CSGALNACT1: variants seen among roughly 807,000 people sequenced by gnomAD.
CSGALNACT1 encodes beta4GalNAcT-1.
Under a neutral mutation model 51.0 loss-of-function variants are expected in CSGALNACT1, and 52 were observed. The ratio of observed to expected loss-of-function variants is 1.02; its 90% CI spans 0.82 to 1.29. CSGALNACT1 has a LOEUF of 1.29. CSGALNACT1 is among the 50% of genes most tolerant of loss of function. The pLI is 0.00. For synonymous variants in CSGALNACT1, 341 were observed against 254.4 expected (o/e 1.34, Z -3.24); for missense variants, 935 against 679.2 (o/e 1.38, Z -4.19).
At chr8:19,652,865 C>T (rs931818730) in intron 1 of CSGALNACT1, among the ~76,000 whole-genome samples, 6 of 152,158 alleles carry the variant, frequency 3.9e-5, no homozygotes, top group Non-Finnish European at 5.9e-5. Context: ...CTCTCATCCT[C>T]GGTTTACCAG....
intron 3 of CSGALNACT1, among the ~76,000 whole-genome samples, chr8:19,552,664 C>T (rs116824281): frequency 0.011 from 1,713 of 152,256 alleles, 32 homozygotes; most frequent in African/African-American, 0.039. Flanking sequence ...GTGGATGGCA[C>T]TTCAATACTG....
At chr8:19,716,512 T>A (rs2062815205) in intron 1 of CSGALNACT1, among the ~76,000 whole-genome samples, 1 of 147,572 alleles carries the variant, frequency 6.8e-6, no homozygotes, top group Admixed American at 7.0e-5. Context: ...GCACAGTGGC[T>A]CATGCCTGTA....
At chr8:19,468,992 C>T (rs947412275) in intron 4 of CSGALNACT1, among the ~76,000 whole-genome samples, 3 of 152,122 alleles carry the variant, frequency 2.0e-5, no homozygotes, top group Non-Finnish European at 4.4e-5. Flanking sequence ...GACAGAAGCA[C>T]TCAGAGGGGC....
At chr8:19,408,174 G>A (rs2054729419) in intron 9 of CSGALNACT1, among the ~76,000 whole-genome samples, 1 of 152,112 alleles carries the variant, frequency 6.6e-6, no homozygotes, top group African/African-American at 2.4e-5. Flanking sequence ...CTGCCTGGAT[G>A]CAATAAGCAG....
intron 6 of CSGALNACT1, among the ~76,000 whole-genome samples, chr8:19,428,525 C>G (rs1419572471): frequency 6.6e-6 from 1 of 152,136 alleles, no homozygotes; most frequent in Admixed American, 6.5e-5. Flanking sequence ...CCTCCCACAA[C>G]ACGTGGGAAT....
At chr8:19,644,179 GCA>G (rs1326073029) in intron 1 of CSGALNACT1, among the ~76,000 whole-genome samples, 4 of 152,002 alleles carry the variant, frequency 2.6e-5, no homozygotes, top group African/African-American at 4.8e-5. Context: ...CAATATGTGT[GCA>G]CACAGTGCAC....
chr8:19,574,744 C>T (rs1028471698), intron 3 of CSGALNACT1, among the ~76,000 whole-genome samples: 1 of 152,006 alleles, frequency 6.6e-6, no homozygotes, highest in Non-Finnish European at 1.5e-5. Flanking sequence ...TTAAAATCCT[C>T]TCTCCGGCCA....
At chr8:19,418,635 A>T in intron 8 of CSGALNACT1, 21 bp downstream of exon 7, 1 of 1,519,258 alleles carries the variant, frequency 6.6e-7, no homozygotes, top group Non-Finnish European at 9.1e-7. Flanking sequence ...ACACAGAGCC[A>T]TCTGCAGGGT....
At chr8:19,481,649 T>C (rs1200264749) in intron 4 of CSGALNACT1, among the ~76,000 whole-genome samples, 1 of 152,150 alleles carries the variant, frequency 6.6e-6, no homozygotes, top group African/African-American at 2.4e-5. Context: ...CAAAATTTTA[T>C]AATCAAAATG....
At chr8:19,589,466 C>A (rs369553055) in intron 3 of CSGALNACT1, among the ~76,000 whole-genome samples, 18 of 152,204 alleles carry the variant, frequency 1.2e-4, no homozygotes, top group Middle Eastern at 3.4e-3. Context: ...GCTGGTACTA[C>A]GGGAGTGCAC....
Position 19,513,436 on chromosome 8 carries a change from C to CTCTCTATA in CSGALNACT1, c.-296-7307_-296-7306insTATAGAGA. On this transcript the variant is annotated intron_variant, in intron 3 of 9. Coordinates refer to ENST00000454498, the Ensembl canonical transcript of CSGALNACT1. ...TCTCACTCTCTCTCTCTCTCTCTCT[C>CTCTCTATA]TATATATATATATATATATATATAT... Among the ~76,000 whole-genome samples the CTCTCTATA allele has an allele frequency of 2.3e-3, 188 of 81,952 alleles. 1 individual carries two copies. Among genetic ancestry groups the CTCTCTATA allele is most frequent in the East Asian group, 0.013 (16 of 1,266 alleles). 53.8% of individuals were successfully genotyped at this position (81,952 alleles called of 152,430 possible). A position where few individuals can be genotyped will look rare whatever the true frequency, so the allele number is the denominator to read the frequency against.
At chr8:19,440,731 G>A (rs1427932035) in intron 5 of CSGALNACT1, among the ~76,000 whole-genome samples, 3 of 151,788 alleles carry the variant, frequency 2.0e-5, no homozygotes, top group Non-Finnish European at 2.9e-5. Flanking sequence ...AATTAGGCAG[G>A]AGAAGGAAAT....
intron 3 of CSGALNACT1, among the ~76,000 whole-genome samples, chr8:19,562,734 C>G (rs1305203273): frequency 6.6e-6 from 1 of 152,094 alleles, no homozygotes; most frequent in Non-Finnish European, 1.5e-5. Context: ...AATGAGATAC[C>G]ACCTCATGCC....
intron 1 of CSGALNACT1, among the ~76,000 whole-genome samples, chr8:19,646,996 T>C (rs755744464): frequency 2.6e-5 from 4 of 151,958 alleles, no homozygotes; most frequent in Non-Finnish European, 5.9e-5. Context: ...TAAAACATGG[T>C]GAAAGCTACA....
At chr8:19,592,952 T>G (rs534385158) in intron 2 of CSGALNACT1, among the ~76,000 whole-genome samples, 1 of 152,344 alleles carries the variant, frequency 6.6e-6, no homozygotes, top group East Asian at 1.9e-4. Context: ...TAACAGGGTA[T>G]TAAATGCTTT....
chr8:19,517,948 G>T (rs2079885485), intron 3 of CSGALNACT1, among the ~76,000 whole-genome samples: 1 of 152,174 alleles, frequency 6.6e-6, no homozygotes, highest in Non-Finnish European at 1.5e-5. Context: ...ATGGCCATGT[G>T]TCAAACTAAC....
chr8:19,580,282 G>A (rs1019878064), intron 3 of CSGALNACT1, among the ~76,000 whole-genome samples: 1 of 152,226 alleles, frequency 6.6e-6, no homozygotes, highest in Non-Finnish European at 1.5e-5. Context: ...CTCCAAAGCT[G>A]TGAGTTGTAA....
intron 1 of CSGALNACT1, among the ~76,000 whole-genome samples, chr8:19,724,086 A>G (rs953027320): frequency 1.3e-5 from 2 of 152,130 alleles, no homozygotes. Context: ...TGATTTTCCA[A>G]TATCCAATAA....
intron 3 of CSGALNACT1, among the ~76,000 whole-genome samples, chr8:19,543,036 A>G (rs2085598070): frequency 6.6e-6 from 1 of 152,214 alleles, no homozygotes; most frequent in Non-Finnish European, 1.5e-5. Context: ...AACCTAAGTC[A>G]TAACTTTGGA....
Sources: gnomAD v4.1 joint callset for allele counts (sites outside exome capture counted in the v4.1 genomes callset) on GRCh38, gnomAD v4.1.1 for gene constraint, MANE v1.5 for transcripts, NCBI Gene and HGNC (gene_info 2026-07-23, HGNC 2026-07-21) for gene names.